IQCJ: variants seen among roughly 807,000 people sequenced by gnomAD.
IQCJ encodes the protein IQ domain-containing protein J.
Under a neutral mutation model 11.0 loss-of-function variants are expected in IQCJ, and 9 were observed. That is an observed-to-expected ratio of 0.82 (90% CI 0.49 to 1.43). The LOEUF is 1.43. Among genes scored for constraint, IQCJ ranks in the 40% most tolerant of loss-of-function variants. The probability of loss-of-function intolerance (pLI) is 0.00; values close to 1 mark genes in which losing one functional copy is unlikely to be tolerated. For synonymous variants in IQCJ, 55 were observed against 51.3 expected (o/e 1.07, Z -0.31); for missense variants, 146 against 133.2 (o/e 1.10, Z -0.47).
intron 1 of IQCJ, among the ~76,000 whole-genome samples, chr3:159,091,841 AAAAG>A (rs1717333620): frequency 6.6e-6 from 1 of 151,772 alleles, no homozygotes; most frequent in Non-Finnish European, 1.5e-5. Flanking sequence ...AGTGATTCTA[AAAAG>A]AAAGAGAAAG....
chr3:159,150,563 G>T (rs1461738739), intron 1 of IQCJ, among the ~76,000 whole-genome samples: 2 of 149,436 alleles, frequency 1.3e-5, no homozygotes, highest in African/African-American at 2.5e-5. Flanking sequence ...GGCACCAATA[G>T]CATATGTTGC....
intron 1 of IQCJ, among the ~76,000 whole-genome samples, chr3:159,132,479 A>G (rs1272602781): frequency 6.6e-6 from 1 of 152,206 alleles, no homozygotes; most frequent in East Asian, 1.9e-4. Flanking sequence ...TTTATTATAT[A>G]ATTTCCAGTA....
chr3:159,199,162 T>A (rs2108060706), intron 1 of IQCJ, among the ~76,000 whole-genome samples: 1 of 152,316 alleles, frequency 6.6e-6, no homozygotes, highest in African/African-American at 2.4e-5. Context: ...AGTGAATATG[T>A]TATATGACCA....
At chr3:159,131,298 C>T (rs1719973591) in intron 1 of IQCJ, among the ~76,000 whole-genome samples, 2 of 151,842 alleles carry the variant, frequency 1.3e-5, no homozygotes, top group South Asian at 4.2e-4. Flanking sequence ...CACTACACAC[C>T]ACCCCCCGCC....
intron 1 of IQCJ, among the ~76,000 whole-genome samples, chr3:159,107,973 A>C (rs1306561472): frequency 2.3e-5 from 3 of 130,772 alleles, no homozygotes; most frequent in Admixed American, 9.5e-5. Flanking sequence ...AGCTGTGCGA[A>C]TTGAGATTGT....
intron 1 of IQCJ, among the ~76,000 whole-genome samples, chr3:159,117,260 G>GTTC (rs1240786851): frequency 2.5e-4 from 38 of 152,036 alleles, no homozygotes; most frequent in Non-Finnish European, 5.6e-4. Context: ...CTCTGTCCAG[G>GTTC]TTCTCCTCCA....
chr3:159,115,092 A>G (rs1010316646), intron 1 of IQCJ, among the ~76,000 whole-genome samples: 6 of 152,126 alleles, frequency 3.9e-5, no homozygotes, highest in Non-Finnish European at 5.9e-5. Flanking sequence ...CTTTTCAACC[A>G]CCTTCTTGAG....
chr3:159,105,801 CAGAT>C (rs1251784452), intron 1 of IQCJ, among the ~76,000 whole-genome samples: 1 of 152,066 alleles, frequency 6.6e-6, no homozygotes, highest in Admixed American at 6.6e-5. Context: ...ATAAAGTGGA[CAGAT>C]AGATAGATAC....
intron 1 of IQCJ, among the ~76,000 whole-genome samples, chr3:159,200,417 C>A (rs980533635): frequency 6.6e-6 from 1 of 152,092 alleles, no homozygotes; most frequent in East Asian, 1.9e-4. Context: ...CCCTGGATTT[C>A]TTCATGAATC....
downstream of IQCJ, chr3:159,265,084 T>A (rs965071804): frequency 6.2e-6 from 4 of 642,596 alleles, no homozygotes; most frequent in African/African-American, 1.8e-5. Flanking sequence ...AAATATAAGA[T>A]GTTGGGATGC....
At chr3:159,135,203 G>A (rs1194853045) in intron 1 of IQCJ, among the ~76,000 whole-genome samples, 1 of 152,098 alleles carries the variant, frequency 6.6e-6, no homozygotes, top group Non-Finnish European at 1.5e-5. Flanking sequence ...TTTCTTGCAA[G>A]GCTTACTTGG....
chr3:159,176,259 T>G (rs184640868), intron 1 of IQCJ, among the ~76,000 whole-genome samples: 19 of 152,112 alleles, frequency 1.2e-4, no homozygotes, highest in Admixed American at 5.2e-4. Flanking sequence ...TTACAGTACC[T>G]TTTTAAAAAG....
At chr3:159,212,784 C>A (rs1257617801) in intron 1 of IQCJ, among the ~76,000 whole-genome samples, 1 of 152,066 alleles carries the variant, frequency 6.6e-6, no homozygotes, top group African/African-American at 2.4e-5. Context: ...GGAAAATACT[C>A]GAAGGGAAAA....
Position 159,245,919 on chromosome 3 carries a change from G to A in IQCJ, c.74+12G>A, listed in dbSNP as rs764509228. On this transcript the variant is annotated intron_variant, in intron 2 of 3. Coordinates refer to ENST00000397832, the MANE Select transcript of IQCJ (RefSeq NM_001042706.3). The stretch of plus-strand genomic sequence containing the variant: ...TATTCATTTGAAAAGTAAGTAAAAA[G>A]TATTAAGTTAAATCATCTGCAAGGT... 40 of 1,520,292 alleles carry A rather than the reference G, an allele frequency of 2.6e-5. No individual in the cohort carries two copies. The highest frequency in any genetic ancestry group is 3.6e-5 in the Non-Finnish European group (40 of 1,122,142). The allele number at this position is 1,520,292 out of a possible 1,614,324, so 94.2% of individuals were successfully genotyped here. A position where few individuals can be genotyped will look rare whatever the true frequency, so the allele number is the denominator to read the frequency against.
chr3:159,261,928 C>T (rs1577124534), intron 3 of IQCJ, among the ~76,000 whole-genome samples: 1 of 152,206 alleles, frequency 6.6e-6, no homozygotes, highest in South Asian at 2.1e-4. Flanking sequence ...TGTCCATTTC[C>T]TATTCCCTTC....
At chr3:159,175,498 C>T (rs1206580057) in intron 1 of IQCJ, among the ~76,000 whole-genome samples, 4 of 151,982 alleles carry the variant, frequency 2.6e-5, no homozygotes, top group Non-Finnish European at 5.9e-5. Flanking sequence ...ACAAACAGAA[C>T]ATTTTCTATC....
chr3:159,185,567 G>A (rs924585991), intron 1 of IQCJ, among the ~76,000 whole-genome samples: 7 of 151,906 alleles, frequency 4.6e-5, no homozygotes, highest in East Asian at 1.9e-4. Flanking sequence ...ATAGTTTCTC[G>A]GGGCCAGAAA....
At chr3:159,187,527 C>T (rs956326401) in intron 1 of IQCJ, among the ~76,000 whole-genome samples, 1 of 152,248 alleles carries the variant, frequency 6.6e-6, no homozygotes, top group African/African-American at 2.4e-5. Flanking sequence ...GGCAGGGCTT[C>T]GCTCCTGGTG....
chr3:159,179,604 T>A (rs1722977233), intron 1 of IQCJ, among the ~76,000 whole-genome samples: 1 of 152,144 alleles, frequency 6.6e-6, no homozygotes, highest in South Asian at 2.1e-4. Flanking sequence ...AAAATATCTA[T>A]CATAGATGTG....
Sources: gnomAD v4.1 joint callset for allele counts (sites outside exome capture counted in the v4.1 genomes callset) on GRCh38, gnomAD v4.1.1 for gene constraint, MANE v1.5 for transcripts, NCBI Gene and HGNC (gene_info 2026-07-23, HGNC 2026-07-21) for gene names.